The following PWWP2B variants were observed in gnomAD, a reference collection of about 807,000 sequenced individuals.
PWWP2B encodes the protein PWWP domain containing 2B.
A neutral mutation model predicts 15.5 loss-of-function variants in PWWP2B; 9 were observed. That is an observed-to-expected ratio of 0.58 (90% CI 0.35 to 1.02). PWWP2B has a LOEUF of 1.02. Ranked by LOEUF, PWWP2B falls within the 50% of genes least tolerant of loss-of-function variation. PWWP2B has a pLI of 0.02. For missense variants in PWWP2B, 864 were observed against 865.3 expected (o/e 1.00, Z 0.02); for synonymous variants, 474 against 403.6 (o/e 1.17, Z -2.09).
intron 1 of PWWP2B, among the ~76,000 whole-genome samples, chr10:132,402,923 C>T (rs931987740): frequency 8.5e-5 from 13 of 152,220 alleles, no homozygotes; most frequent in South Asian, 2.1e-4. Context: ...CGCTGGCCCC[C>T]GGGGTGCATG....
chr10:132,416,975 CCTGACCTGCTGCTCAGACCTT>C, intron 2 of PWWP2B, 65 bp from the exon 3 acceptor site: 1 of 1,500,250 alleles, frequency 6.7e-7, no homozygotes, highest in Non-Finnish European at 9.3e-7. Context: ...TCCGGGGCAC[CCTGACCTGCTGCTCAGACCTT>C]GAGGGGCTGG....
chr10:132,404,723 G>A lies in PWWP2B; in HGVS notation c.223G>A (p.Ala75Thr). Residue 75 changes from alanine (A) to threonine (T), a missense_variant, in exon 2 of 3, where the codon GCA becomes ACA. Ala to Thr is a moderately conservative substitution (Grantham distance 58). This residue lies in a region of PWWP2B where 736 missense variants were observed against 687.7 expected (regional missense o/e 1.07). Coordinates refer to ENST00000305233, the MANE Select transcript of PWWP2B (RefSeq NM_138499.4). ...SHGRAPEEGD[A>T]EVMQLGSSSP... is the part of the protein sequence containing the mutation. The stretch of plus-strand genomic sequence containing the variant: ...TGGCCGGGCTCCCGAGGAGGGGGAT[G>A]CAGAGGTGATGCAGCTGGGGTCCAG... The A allele has an allele frequency of 1.2e-6, 2 of 1,611,186 alleles. No individual in the cohort carries two copies. The highest frequency in any genetic ancestry group is 8.5e-7 in the Non-Finnish European group (1 of 1,179,416).
chr10:132,409,918 A>G (rs930764064), intron 2 of PWWP2B, among the ~76,000 whole-genome samples: 1 of 151,922 alleles, frequency 6.6e-6, no homozygotes, highest in Non-Finnish European at 1.5e-5. Flanking sequence ...GGGTGGGGGC[A>G]AGTGTTCTAG....
chr10:132,404,135 C>A (rs61192738), intron 1 of PWWP2B, among the ~76,000 whole-genome samples: 1 of 150,816 alleles, frequency 6.6e-6, no homozygotes, highest in African/African-American at 2.4e-5. Context: ...GGGGTTGAAG[C>A]GTTGCCTGGC....
intron 2 of PWWP2B, among the ~76,000 whole-genome samples, chr10:132,412,400 T>C (rs1361500170): frequency 6.6e-6 from 1 of 152,174 alleles, no homozygotes; most frequent in Non-Finnish European, 1.5e-5. Flanking sequence ...ATGTGCCCCA[T>C]GTCAGAGGAT....
At chr10:132,411,779 CGTCT>C (rs1288365701) in intron 2 of PWWP2B, among the ~76,000 whole-genome samples, 1 of 152,244 alleles carries the variant, frequency 6.6e-6, no homozygotes, top group Non-Finnish European at 1.5e-5. Flanking sequence ...GCGACGCCGC[CGTCT>C]CCAGGCTTCG....
chr10:132,406,277 G>A lies in PWWP2B; in HGVS notation c.*4G>A. On this transcript the variant is annotated 3_prime_UTR_variant, in exon 2 of 3. Transcript: ENST00000305233. ...CTTAACCCAGTTTGAAACGTAACTG[G>A]TTCCCTGACCAGGTGAGTGTGCCAG... 6.2e-7 allele frequency: 1 copy of A among 1,605,230 alleles called. No homozygotes were observed. Among genetic ancestry groups the A allele is most frequent in the Non-Finnish European group, 8.5e-7 (1 of 1,174,484 alleles).
chr10:132,400,034 C>T (rs1317320057), intron 1 of PWWP2B, among the ~76,000 whole-genome samples: 3 of 152,222 alleles, frequency 2.0e-5, no homozygotes, highest in Non-Finnish European at 2.9e-5. Context: ...CTGAGAACCC[C>T]AGACACTGCC....
intron 2 of PWWP2B, among the ~76,000 whole-genome samples, chr10:132,414,049 T>C (rs1048320356): frequency 6.6e-6 from 1 of 152,214 alleles, no homozygotes; most frequent in African/African-American, 2.4e-5. Flanking sequence ...GCAGAGCAGC[T>C]GAGCTCAGCT....
At chr10:132,401,147 C>T (rs1321615897) in intron 1 of PWWP2B, among the ~76,000 whole-genome samples, 2 of 152,226 alleles carry the variant, frequency 1.3e-5, no homozygotes, top group Non-Finnish European at 1.5e-5. Context: ...CTGAGGACCT[C>T]AGGCCTGGTC....
intron 2 of PWWP2B, among the ~76,000 whole-genome samples, chr10:132,412,918 T>C (rs926308836): frequency 6.6e-6 from 1 of 152,252 alleles, no homozygotes; most frequent in African/African-American, 2.4e-5. Flanking sequence ...AGTGCTATTC[T>C]TTCCATGCTC....
Position 132,405,283 on chromosome 10 carries a change from G to A in PWWP2B, c.783G>A (p.Gln261=). ...TCAAGATCTCCTACAGCACGCCCCA[G>A]GGCAAGGGAGAGGTGGTCAAGATCC... ...PVIKISYSTP[Q]GKGEVVKIPS... is the part of the protein sequence containing the mutation. Residue 261 remains glutamine, a synonymous_variant, in exon 2 of 3, where the codon CAG becomes CAA. Coordinates refer to ENST00000305233, the MANE Select transcript of PWWP2B (RefSeq NM_138499.4). 1.2e-6 allele frequency: 2 copies of A among 1,611,964 alleles called. No homozygotes were observed. Among genetic ancestry groups the A allele is most frequent in the Non-Finnish European group, 1.7e-6 (2 of 1,179,646 alleles).
intron 2 of PWWP2B, among the ~76,000 whole-genome samples, chr10:132,412,897 C>G (rs916431068): frequency 1.3e-5 from 2 of 150,536 alleles, no homozygotes; most frequent in South Asian, 4.2e-4. Flanking sequence ...TAGTTGGGTT[C>G]GATCCACACA....
chr10:132,414,423 CG>C (rs2069818318), intron 2 of PWWP2B, among the ~76,000 whole-genome samples: 1 of 152,162 alleles, frequency 6.6e-6, no homozygotes, highest in Admixed American at 6.5e-5. Flanking sequence ...AAGGGATGGA[CG>C]AAGCAGGTTC....
chr10:132,403,135 G>A (rs2069634023), intron 1 of PWWP2B, among the ~76,000 whole-genome samples: 1 of 152,244 alleles, frequency 6.6e-6, no homozygotes, highest in African/African-American at 2.4e-5. Context: ...GCCGTTGCTA[G>A]CCCGTGGCTG....
intron 1 of PWWP2B, among the ~76,000 whole-genome samples, chr10:132,398,919 C>T (rs919510918): frequency 2.0e-5 from 3 of 151,960 alleles, no homozygotes; most frequent in Admixed American, 6.5e-5. Flanking sequence ...GCAGGCTCCC[C>T]GACCCCCAGT....
chr10:132,402,785 A>G (rs900197692), intron 1 of PWWP2B, among the ~76,000 whole-genome samples: 2 of 152,244 alleles, frequency 1.3e-5, no homozygotes, highest in African/African-American at 4.8e-5. Context: ...CTTTTCTGTA[A>G]GTGAAAGTCG....
Position 132,417,120 on chromosome 10 carries a change from C to A in PWWP2B, c.*76C>A, listed in dbSNP as rs773046461. ...AGCTTCCGATCTCTGTTCGGGGACCCTGTGAGCCTTCTGGCCGGCTGCGTG... is the reference window on the plus strand; with the variant it reads ...AGCTTCCGATCTCTGTTCGGGGACCATGTGAGCCTTCTGGCCGGCTGCGTG... On this transcript the variant is annotated 3_prime_UTR_variant, in exon 3 of 3. Transcript: ENST00000305233. 1.2e-6 allele frequency: 2 copies of A among 1,612,434 alleles called. No homozygotes were observed. Among genetic ancestry groups the A allele is most frequent in the African/African-American group, 2.7e-5 (2 of 74,908 alleles).
chr10:132,416,871 A>C (rs1283468751), intron 2 of PWWP2B, among the ~76,000 whole-genome samples, 190 bp from the exon 3 acceptor site: 4 of 151,402 alleles, frequency 2.6e-5, no homozygotes, highest in Non-Finnish European at 5.9e-5. Flanking sequence ...AAGACCCTGC[A>C]CTCTCTCCCA....
Sources: allele counts gnomAD v4.1 joint callset (sites outside exome capture counted in the v4.1 genomes callset), GRCh38; gene constraint gnomAD v4.1.1; regional missense constraint gnomAD v4.1.1; transcripts MANE v1.5; gene names NCBI Gene and HGNC (gene_info 2026-07-23, HGNC 2026-07-21).